Variants in FTO observed in about 807,000 individuals in gnomAD.
FTO encodes the protein alpha-ketoglutarate-dependent dioxygenase FTO.
FTO carries 47 observed loss-of-function variants against 63.9 expected under a neutral mutation model. The ratio of observed to expected loss-of-function variants is 0.74; its 90% CI spans 0.58 to 0.94. The LOEUF (loss-of-function observed/expected upper bound fraction) is 0.94. FTO is among the 40% of genes least tolerant of loss of function. The pLI is 0.00. For synonymous variants in FTO, 207 were observed against 224.4 expected (o/e 0.92, Z 0.69); for missense variants, 562 against 618.1 (o/e 0.91, Z 0.96).
intron 8 of FTO, among the ~76,000 whole-genome samples, chr16:53,949,714 A>C (rs973051854): frequency 1.8e-4 from 25 of 139,798 alleles, no homozygotes; most frequent in African/African-American, 4.7e-4. Context: ...AAAAAAAAAA[A>C]CCCAGTGAGA....
chr16:54,081,740 A>G (rs1390327485), intron 8 of FTO, among the ~76,000 whole-genome samples: 2 of 152,230 alleles, frequency 1.3e-5, no homozygotes, highest in African/African-American at 2.4e-5. Flanking sequence ...GGCAGAGTCT[A>G]TGGACTTTCC....
chr16:54,074,701 A>G (rs191894204), intron 8 of FTO, among the ~76,000 whole-genome samples: 276 of 152,258 alleles, frequency 1.8e-3, no homozygotes, highest in Middle Eastern at 6.8e-3. Flanking sequence ...TTGTCTAAAA[A>G]TTTTGTGTGA....
At chr16:54,073,281 G>A (rs190294386) in intron 8 of FTO, among the ~76,000 whole-genome samples, 2 of 152,038 alleles carry the variant, frequency 1.3e-5, no homozygotes, top group Non-Finnish European at 2.9e-5. Flanking sequence ...TAGAAGTGAG[G>A]GTACCAGGCA....
In FTO at chr16:53,934,442, A is replaced by G. The variant is rs1181860695; in HGVS notation, c.1364+333A>G. Among the ~76,000 whole-genome samples, 3 of 152,244 alleles carry G rather than the reference A, an allele frequency of 2.0e-5. No individual in the cohort carries two copies. In the South Asian group the frequency reaches 6.2e-4, roughly 31 times the overall value. On this transcript the variant is annotated intron_variant, in intron 8 of 8. Coordinates refer to ENST00000471389, the MANE Select transcript of FTO (RefSeq NM_001080432.3). ...TGTAAAAGACTAGCATTGCTATTTC[A>G]TTAGAGCAGATGTCTGAGAAATCCA... is the stretch of plus-strand genomic sequence containing the variant.
At chr16:53,815,868 C>CA (rs111370419) in intron 2 of FTO, among the ~76,000 whole-genome samples, 17,765 of 151,798 alleles carry the variant, frequency 0.12, 1,849 homozygotes, top group East Asian at 0.42. Flanking sequence ...AGGCTGGTCT[C>CA]AAACTCCTGA....
intron 1 of FTO, among the ~76,000 whole-genome samples, chr16:53,733,588 A>G (rs1348192445): frequency 6.6e-6 from 1 of 152,146 alleles, no homozygotes; most frequent in Non-Finnish European, 1.5e-5. Flanking sequence ...GAGTCTGATA[A>G]CTCTGGGAAA....
chr16:53,960,983 A>G (rs1189749078), intron 8 of FTO, among the ~76,000 whole-genome samples: 2 of 152,176 alleles, frequency 1.3e-5, no homozygotes, highest in Non-Finnish European at 2.9e-5. Flanking sequence ...CTGTCATTCT[A>G]TCTTGGACTG....
chr16:54,007,610 A>G (rs2084240632), intron 8 of FTO, among the ~76,000 whole-genome samples: 1 of 152,260 alleles, frequency 6.6e-6, no homozygotes, highest in Admixed American at 6.5e-5. Flanking sequence ...TGCAGTGCCC[A>G]TGCATACCAA....
chr16:53,997,134 AGGAAAGAAAGAGAG>A (rs2083950643), intron 8 of FTO, among the ~76,000 whole-genome samples: 1 of 85,546 alleles, frequency 1.2e-5, no homozygotes, highest in Admixed American at 1.3e-4. Context: ...GAAAGAAAGA[AGGAAAGAAAGAGAG>A]AGAGAGAGAG....
intron 8 of FTO, among the ~76,000 whole-genome samples, chr16:54,012,493 T>C (rs555051243): frequency 1.3e-5 from 2 of 152,334 alleles, no homozygotes; most frequent in East Asian, 3.9e-4. Context: ...AGGTCATTGA[T>C]GAAATGGTTG....
At chr16:54,019,614 C>T (rs1647898073) in intron 8 of FTO, among the ~76,000 whole-genome samples, 2 of 132,474 alleles carry the variant, frequency 1.5e-5, no homozygotes, top group South Asian at 2.8e-4. Context: ...AGGTAGAAAC[C>T]AGGAACACCT....
chr16:53,789,287 A>G (rs543348805), intron 1 of FTO, among the ~76,000 whole-genome samples: 33 of 152,282 alleles, frequency 2.2e-4, no homozygotes, highest in African/African-American at 7.7e-4. Flanking sequence ...CCTCCTTATG[A>G]GCTAGGTTGT....
chr16:54,015,777 T>C (rs1318035125), intron 8 of FTO, among the ~76,000 whole-genome samples: 1 of 152,212 alleles, frequency 6.6e-6, no homozygotes, highest in East Asian at 1.9e-4. Flanking sequence ...TATCTATCCC[T>C]GTTTGCCAGA....
chr16:54,075,004 A>G (rs2085960187), intron 8 of FTO, among the ~76,000 whole-genome samples: 1 of 149,996 alleles, frequency 6.7e-6, no homozygotes, highest in African/African-American at 2.5e-5. Context: ...TATCTTTTTG[A>G]TTTAATTTGC....
At position 53,921,941 on chromosome 16, in the gene FTO, A is replaced by G. The variant is rs183485061; in HGVS notation, c.1240-12044A>G. Among the ~76,000 whole-genome samples the G allele has an allele frequency of 2.1e-3, 322 of 152,316 alleles. 1 individual carries two copies. The highest frequency in any genetic ancestry group is 6.9e-3 in the African/African-American group (286 of 41,576). ...ACTACTATTGAGGTAACAGCGAGCT[A>G]GAGATTTAAAGAATTAGCATGCTAA... On this transcript the variant is annotated intron_variant, in intron 7 of 8. Transcript: ENST00000471389.
chr16:53,738,025 C>CTTT lies in FTO; in HGVS notation c.45+33811_45+33813dup, dbSNP rs35487919. On this transcript the variant is annotated intron_variant, in intron 1 of 8. Coordinates refer to ENST00000471389, the MANE Select transcript of FTO (RefSeq NM_001080432.3). Reference sequence around the variant, plus strand: ...TTAGAATGCAGTTGCACAATCGTAGCTTTTTTTTTTTTTTTTTGAGATGGA... The same window carrying CTTT: ...TTAGAATGCAGTTGCACAATCGTAGCTTTTTTTTTTTTTTTTTTTTGAGATGGA... Among the ~76,000 whole-genome samples, 618 of 125,480 alleles carry CTTT rather than the reference C, an allele frequency of 4.9e-3. 20 individuals carry two copies. Among genetic ancestry groups the CTTT allele is most frequent in the African/African-American group, 0.018 (592 of 32,654 alleles). 82.3% of individuals were successfully genotyped at this position (125,480 alleles called of 152,430 possible).
intron 1 of FTO, among the ~76,000 whole-genome samples, chr16:53,764,640 T>G (rs754048281): frequency 2.0e-5 from 3 of 151,896 alleles, no homozygotes; most frequent in Non-Finnish European, 2.9e-5. Flanking sequence ...TCTTGTCTAC[T>G]TGAACATCTC....
intron 8 of FTO, among the ~76,000 whole-genome samples, chr16:53,982,085 A>T (rs1294840207): frequency 6.6e-6 from 1 of 151,600 alleles, no homozygotes; most frequent in East Asian, 1.9e-4. Flanking sequence ...GTTAAAAAAA[A>T]AAACAAAAAA....
At chr16:54,030,646 G>A (rs1482884786) in intron 8 of FTO, among the ~76,000 whole-genome samples, 2 of 152,052 alleles carry the variant, frequency 1.3e-5, no homozygotes, top group African/African-American at 4.8e-5. Flanking sequence ...TTTTGACCAA[G>A]CACTTCCTCT....
Sources: gnomAD v4.1 joint callset for allele counts (sites outside exome capture counted in the v4.1 genomes callset) on GRCh38, gnomAD v4.1.1 for gene constraint, MANE v1.5 for transcripts, NCBI Gene and HGNC (gene_info 2026-07-23, HGNC 2026-07-21) for gene names.